MAST1: variants seen among roughly 807,000 people sequenced by gnomAD.
The protein encoded by MAST1 is microtubule-associated serine/threonine-protein kinase 1.
A neutral mutation model predicts 124.6 loss-of-function variants in MAST1; 40 were observed. That is an observed-to-expected ratio of 0.32 (90% CI 0.25 to 0.42). The LOEUF (loss-of-function observed/expected upper bound fraction) is 0.42, where lower values mean the gene tolerates loss of function less well. MAST1 is among the 10% of genes least tolerant of loss of function. The probability of loss-of-function intolerance (pLI) is 1.00; values close to 1 mark genes in which losing one functional copy is unlikely to be tolerated. For missense variants in MAST1, 1,558 were observed against 2,181.9 expected (o/e 0.71, Z 5.70); for synonymous variants, 938 against 939.4 (o/e 1.00, Z 0.03).
Position 12,865,258 on chromosome 19 carries a change from C to G in MAST1, c.1639-58C>G. 3 of 1,584,324 alleles carry G rather than the reference C, an allele frequency of 1.9e-6. No individual in the cohort carries two copies. Among genetic ancestry groups the G allele is most frequent in the Non-Finnish European group, 1.7e-6 (2 of 1,164,418 alleles). ...GGAACCCAGGGCCTGGTGGGGGGCACAGCTCTCCCTTGAGGGCCCTCCTCT... is the reference window on the plus strand; with the variant it reads ...GGAACCCAGGGCCTGGTGGGGGGCAGAGCTCTCCCTTGAGGGCCCTCCTCT... On this transcript the variant is annotated intron_variant, in intron 14 of 25. Transcript: ENST00000251472. The surrounding 1 kb of genome is among the most constrained non-coding windows in gnomAD (Gnocchi z 7.1).
Position 12,874,176 on chromosome 19 carries a change from T to G in MAST1, c.4019T>G (p.Leu1340Arg). The change falls in exon 26 of 26, where the codon CTG becomes CGG. Residue 1340 changes from leucine to arginine, a missense_variant. By Grantham distance (102) the Leu-to-Arg change is moderately radical. Transcript: ENST00000251472. This position sits in a 1 kb window ranked among gnomAD's most constrained non-coding sequence, Gnocchi z 6.6. ...RLGRQESPLS[L>R]GADPLLPEGA... Reference sequence around the variant, plus strand: ...GGCCGACAGGAGTCACCTTTGAGCCTGGGCGCGGACCCGTTGCTGCCCGAG... The same window carrying G: ...GGCCGACAGGAGTCACCTTTGAGCCGGGGCGCGGACCCGTTGCTGCCCGAG... 6.5e-7 allele frequency: 1 copy of G among 1,541,874 alleles called. No individual in the cohort carries two copies. Among genetic ancestry groups the G allele is most frequent in the Admixed American group, 2.0e-5 (1 of 51,006 alleles).
rs765119242 is a variant in MAST1, at chr19:12,867,958, C to T, written c.2547C>T (p.Ser849=). The T allele has an allele frequency of 1.0e-5, 16 of 1,557,490 alleles. No homozygotes were observed. In the South Asian group the frequency reaches 1.6e-4, roughly 15 times the overall value. Residue 849 remains serine, a synonymous_variant, in exon 20 of 26, where the codon AGC becomes AGT. Coordinates refer to ENST00000251472, the MANE Select transcript of MAST1 (RefSeq NM_014975.3). ...KEETQGEGTS[S]AGDSEATDRP... ...AGACTCAAGGGGAAGGCACCTCCAG[C>T]GCCGGGGACTCCGAGGCCAGTGAGT...
In MAST1 at chr19:12,865,975, C is replaced by T. The variant is rs962890854; in HGVS notation, c.1907-5C>T. 8.7e-6 allele frequency: 14 copies of T among 1,613,422 alleles called. No homozygotes were observed. The Admixed American group carries it at 1.8e-4, about 21-fold the overall frequency. On this transcript the variant is annotated splice_region_variant and splice_polypyrimidine_tract_variant and intron_variant, in intron 16 of 25. Transcript: ENST00000251472. The surrounding 1 kb of genome is among the most constrained non-coding windows in gnomAD (Gnocchi z 7.1). ...CAGCTGTGGCTGGAATCCCTTCCGT[C>T]CCAGGCGGCGCTTTTGAGGTGAAGC...
intron 20 of MAST1, 128 bp downstream of exon 20, chr19:12,868,105 T>G: frequency 3.7e-6 from 1 of 268,216 alleles, no homozygotes; most frequent in South Asian, 1.3e-4. Context: ...AATTTGGGAT[T>G]TTTTTTTTTT....
chr19:12,870,898 G>A lies in MAST1; in HGVS notation c.3078G>A (p.Glu1026=), dbSNP rs1970225578. The A allele has an allele frequency of 1.2e-6, 2 of 1,613,978 alleles. No homozygotes were observed. The highest frequency in any genetic ancestry group is 1.7e-6 in the Non-Finnish European group (2 of 1,180,014). Residue 1026 remains glutamate (E), a synonymous_variant, in exon 23 of 26, where the codon GAG becomes GAA. Coordinates refer to ENST00000251472, the MANE Select transcript of MAST1 (RefSeq NM_014975.3). ...AGDLITHVNG[E]PVHGMVHPEV... ...ACCTCATCACCCACGTGAATGGGGA[G>A]CCTGTGCATGGCATGGTGCATCCTG...
chr19:12,869,371 T>C, intron 22 of MAST1, 76 bp downstream of exon 22: 1 of 1,221,008 alleles, frequency 8.2e-7, no homozygotes. Context: ...TCAAACCAGT[T>C]AGCCTGGGTG....
Position 12,873,924 on chromosome 19 carries a change from C to T in MAST1, c.3767C>T (p.Pro1256Leu). ...CCGCGCCCCAAGAGTGCCGAGCCCC[C>T]TCGCTCGCCGCTCCTCAAGCGCGTG... ...VRPRPKSAEP[P>L]RSPLLKRVQS... Residue 1256 changes from proline (P) to leucine (L), a missense_variant, in exon 26 of 26, where the codon CCT becomes CTT. Physicochemically the swap from Pro to Leu is moderately conservative, Grantham distance 98 (BLOSUM62 -3). This residue lies in a region of MAST1 where 263 missense variants were observed against 310.9 expected (regional missense o/e 0.85). Transcript: ENST00000251472. 8.2e-6 allele frequency: 13 copies of T among 1,587,498 alleles called. No homozygotes were observed. The highest frequency in any genetic ancestry group is 1.1e-5 in the Non-Finnish European group (13 of 1,174,746).
At position 12,840,429 on chromosome 19, in the gene MAST1, C is replaced by T; in HGVS notation, c.84-17C>T. 1 of 1,590,046 alleles carries T rather than the reference C, an allele frequency of 6.3e-7. No individual in the cohort carries two copies. The highest frequency in any genetic ancestry group is 8.6e-7 in the Non-Finnish European group (1 of 1,159,824). On this transcript the variant is annotated splice_polypyrimidine_tract_variant and intron_variant, in intron 1 of 25. Transcript: ENST00000251472. The stretch of plus-strand genomic sequence containing the variant: ...GCTGCGGCCCGGCCCGGCCCCCCTG[C>T]CTTACCTTCCCCGCAGCTGCCGCAC...
chr19:12,844,301 C>T (rs1969865834), intron 4 of MAST1, among the ~76,000 whole-genome samples: 1 of 152,220 alleles, frequency 6.6e-6, no homozygotes, highest in Non-Finnish European at 1.5e-5. Context: ...TCATCTGCTC[C>T]CTTTTCTATC....
At chr19:12,857,055 T>C (rs1177815125) in intron 10 of MAST1, among the ~76,000 whole-genome samples, 1 of 152,166 alleles carries the variant, frequency 6.6e-6, no homozygotes, top group East Asian at 1.9e-4. Context: ...GTAGTTATAA[T>C]TTGCCTTTCT....
intron 12 of MAST1, among the ~76,000 whole-genome samples, chr19:12,862,963 G>A (rs1023667704): frequency 4.0e-5 from 6 of 151,554 alleles, no homozygotes; most frequent in African/African-American, 7.3e-5. Flanking sequence ...CACTGTGCCC[G>A]GCCAATGAAA....
In MAST1 at chr19:12,874,630, G is replaced by A; in HGVS notation, c.4473G>A (p.Leu1491=). ...AGGTGGTGGAGGAGCGCACCACGCT[G>A]AGCGGTCCTCGCTCCAAGCCCGCCT... ...VLEVVEERTT[L]SGPRSKPASP... The change falls in exon 26 of 26, where the codon CTG becomes CTA. Residue 1491 remains leucine (L), a synonymous_variant. Coordinates refer to ENST00000251472, the MANE Select transcript of MAST1 (RefSeq NM_014975.3). The surrounding 1 kb of genome is among the most constrained non-coding windows in gnomAD (Gnocchi z 6.6). The A allele has an allele frequency of 6.6e-7, 1 of 1,520,246 alleles. No homozygotes were observed. The highest frequency in any genetic ancestry group is 1.3e-5 in the South Asian group (1 of 76,320). 94.2% of individuals were successfully genotyped at this position (1,520,246 alleles called of 1,614,324 possible).
In MAST1 at chr19:12,847,693, G is replaced by A. The variant is rs1305129533; in HGVS notation, c.564+6G>A. 1.2e-6 allele frequency: 2 copies of A among 1,613,564 alleles called. No homozygotes were observed. The highest frequency in any genetic ancestry group is 1.7e-5 in the Admixed American group (1 of 59,990). On this transcript the variant is annotated splice_donor_region_variant and intron_variant, in intron 6 of 25. Transcript: ENST00000251472. This position sits in a 1 kb window ranked among gnomAD's most constrained non-coding sequence, Gnocchi z 5.5. ...ACAAGGAGAGGTTCCCGAAGGTGAG[G>A]TGGGACCCGAGGCGGTCACGGGGTG...
At chr19:12,859,144 A>G (rs377298091) in intron 12 of MAST1, among the ~76,000 whole-genome samples, 6 of 151,960 alleles carry the variant, frequency 3.9e-5, no homozygotes, top group South Asian at 4.2e-4. Flanking sequence ...CAGTGGTGCA[A>G]TCTCGGTTCA....
At chr19:12,845,639 C>T (rs1451751590) in intron 4 of MAST1, among the ~76,000 whole-genome samples, 2 of 150,536 alleles carry the variant, frequency 1.3e-5, no homozygotes, top group African/African-American at 4.9e-5. Flanking sequence ...TGGCTCATGC[C>T]TGTGACCCAG....
intron 1 of MAST1, 65 bp from the exon 2 acceptor site, chr19:12,840,381 G>A (rs896800183): frequency 3.0e-6 from 3 of 1,006,118 alleles, no homozygotes; most frequent in Non-Finnish European, 4.6e-6. Context: ...GAGGTCAGCT[G>A]GTGGGGCTCA....
Position 12,866,660 on chromosome 19 carries a change from A to G in MAST1, c.2037A>G (p.Ser679=). The G allele has an allele frequency of 6.2e-7, 1 of 1,613,290 alleles. No homozygotes were observed. The highest frequency in any genetic ancestry group is 8.5e-7 in the Non-Finnish European group (1 of 1,179,510). ...EDDTSYFDTR[S]DRYHHVNSYD... Reference sequence around the variant, plus strand: ...CCCATACCCGCTCCCCAGCCCGCTCAGACAGGTATCACCACGTGAACTCCT... The same window carrying G: ...CCCATACCCGCTCCCCAGCCCGCTCGGACAGGTATCACCACGTGAACTCCT... Residue 679 remains serine, a synonymous_variant, in exon 18 of 26, where the codon TCA becomes TCG. Transcript: ENST00000251472. This position sits in a 1 kb window ranked among gnomAD's most constrained non-coding sequence, Gnocchi z 5.2.
intron 12 of MAST1, among the ~76,000 whole-genome samples, chr19:12,864,316 G>A (rs1353790229): frequency 6.6e-6 from 1 of 151,560 alleles, no homozygotes; most frequent in African/African-American, 2.4e-5. Context: ...GATTGCTTGA[G>A]CTGGGAGGTT....
In MAST1 at chr19:12,847,811, G is replaced by T; in HGVS notation, c.565-37G>T. ...AGGCTCCTGGCGGCCGCAGCCTTCG[G>T]GCACAGCCCCGCGCCCCTCCTCCGT... is the stretch of plus-strand genomic sequence containing the variant. On this transcript the variant is annotated intron_variant, in intron 6 of 25. Coordinates refer to ENST00000251472, the MANE Select transcript of MAST1 (RefSeq NM_014975.3). The surrounding 1 kb of genome is among the most constrained non-coding windows in gnomAD (Gnocchi z 5.5). The T allele has an allele frequency of 1.9e-6, 3 of 1,588,732 alleles. No homozygotes were observed. The highest frequency in any genetic ancestry group is 2.6e-6 in the Non-Finnish European group (3 of 1,166,234).
Sources: gnomAD v4.1 joint callset for allele counts (sites outside exome capture counted in the v4.1 genomes callset) on GRCh38, gnomAD v4.1.1 for gene constraint, gnomAD v4.1.1 regional missense constraint, Gnocchi (gnomAD v3.1) non-coding constraint, MANE v1.5 for transcripts, NCBI Gene and HGNC (gene_info 2026-07-23, HGNC 2026-07-21) for gene names.